KPNA5: variants seen among roughly 807,000 people sequenced by gnomAD.
The protein encoded by KPNA5 is importin subunit alpha-6.
KPNA5 carries 46 observed loss-of-function variants against 71.3 expected under a neutral mutation model. That is an observed-to-expected ratio of 0.65 (90% CI 0.51 to 0.83). The LOEUF (loss-of-function observed/expected upper bound fraction) is 0.83, where lower values mean the gene tolerates loss of function less well. Among genes scored for constraint, KPNA5 ranks in the 40% least tolerant of loss-of-function variants. The pLI, the probability that KPNA5 is intolerant of heterozygous loss-of-function variation, is 0.00. For missense variants in KPNA5, 547 were observed against 628.3 expected (o/e 0.87, Z 1.38); for synonymous variants, 207 against 201.4 (o/e 1.03, Z -0.24).
At chr6:116,731,446 T>G (rs1779477936) in intron 13 of KPNA5, among the ~76,000 whole-genome samples, 1 of 152,182 alleles carries the variant, frequency 6.6e-6, no homozygotes, top group African/African-American at 2.4e-5. Flanking sequence ...CTGCTTTTTT[T>G]TCTGTGATAA....
intron 8 of KPNA5, among the ~76,000 whole-genome samples, chr6:116,717,837 A>G (rs1048795347): frequency 5.3e-5 from 8 of 152,046 alleles, no homozygotes; most frequent in Non-Finnish European, 8.8e-5. Context: ...GTGTTTAGGA[A>G]GTTGTATACA....
At position 116,692,501 on chromosome 6, in the gene KPNA5, G is replaced by A. The variant is rs555415483; in HGVS notation, c.340+109G>A. On this transcript the variant is annotated intron_variant, in intron 4 of 13. Coordinates refer to ENST00000368564, the MANE Select transcript of KPNA5 (RefSeq NM_001366306.2). Reference sequence around the variant, plus strand: ...AAATACCTTTCTTTGCTAGACACAGGTGTTATATTCTCTGCAAAATATATT... The same window carrying A: ...AAATACCTTTCTTTGCTAGACACAGATGTTATATTCTCTGCAAAATATATT... The A allele has an allele frequency of 1.0e-5, 7 of 695,870 alleles. No individual in the cohort carries two copies. In the African/African-American group the frequency reaches 1.1e-4, roughly 11 times the overall value. 43.1% of individuals were successfully genotyped at this position (695,870 alleles called of 1,614,324 possible). A position where few individuals can be genotyped will look rare whatever the true frequency, so the allele number is the denominator to read the frequency against.
intron 12 of KPNA5, 52 bp downstream of exon 12, chr6:116,726,674 G>A: frequency 1.4e-6 from 2 of 1,387,180 alleles, no homozygotes; most frequent in South Asian, 3.1e-5. Context: ...GACAAAAGTT[G>A]AAATAAAACA....
At position 116,738,619 on chromosome 6, in the gene KPNA5, G is replaced by A. The variant is rs1485200946; in HGVS notation, c.*6296G>A. The A allele has an allele frequency of 1.2e-4, 18 of 151,832 alleles. No individual in the cohort carries two copies. The East Asian group carries it at 1.6e-3, about 13-fold the overall frequency. 9.4% of individuals were successfully genotyped at this position (151,832 alleles called of 1,614,324 possible). A position where few individuals can be genotyped will look rare whatever the true frequency, so the allele number is the denominator to read the frequency against. On this transcript the variant is annotated 3_prime_UTR_variant, in exon 14 of 14. Transcript: ENST00000368564. ...ATCCTCAATAAAATACTGGCAAACC[G>A]AATCCAGCAGCACATCAAAAAGCTT...
chr6:116,695,577 C>A (rs577140224), intron 4 of KPNA5, among the ~76,000 whole-genome samples: 1 of 152,210 alleles, frequency 6.6e-6, no homozygotes, highest in East Asian at 1.9e-4. Flanking sequence ...TGAAAGTAAT[C>A]TTGTGATCAG....
chr6:116,698,707 C>A lies in KPNA5; in HGVS notation c.344C>A (p.Pro115His). ...QKFRKLLSKE[P>H]NPPIDQVIQK... ...TGAAGTCTTTTTAAATTTTTAGAACCTAATCCACCAATAGATCAAGTTATA... is the reference window on the plus strand; with the variant it reads ...TGAAGTCTTTTTAAATTTTTAGAACATAATCCACCAATAGATCAAGTTATA... The change falls in exon 5 of 14, where the codon CCT (proline) becomes CAT (histidine). Residue 115 changes from proline (P) to histidine (H), a missense_variant. Coordinates refer to ENST00000368564, the MANE Select transcript of KPNA5 (RefSeq NM_001366306.2). 1 of 1,566,874 alleles carries A rather than the reference C, an allele frequency of 6.4e-7. No individual in the cohort carries two copies. Among genetic ancestry groups the A allele is most frequent in the South Asian group, 1.2e-5 (1 of 85,540 alleles).
chr6:116,694,550 G>A (rs1442056690), intron 4 of KPNA5, among the ~76,000 whole-genome samples: 1 of 152,070 alleles, frequency 6.6e-6, no homozygotes, highest in Non-Finnish European at 1.5e-5. Flanking sequence ...TCTGTTATTG[G>A]TGTATAAGAA....
intron 7 of KPNA5, among the ~76,000 whole-genome samples, chr6:116,709,739 T>C (rs937538739): frequency 6.6e-6 from 1 of 152,110 alleles, no homozygotes; most frequent in African/African-American, 2.4e-5. Flanking sequence ...ATAAATGCCC[T>C]TTATCCTGTT....
In KPNA5 at chr6:116,726,557, T is replaced by C; in HGVS notation, c.1188T>C (p.Arg396=). The C allele has an allele frequency of 6.2e-7, 1 of 1,612,560 alleles. No homozygotes were observed. The highest frequency in any genetic ancestry group is 8.5e-7 in the Non-Finnish European group (1 of 1,179,060). ...LIEILQKAEF[R]TRKEAAWAIT... ...AGATTCTTCAGAAAGCAGAGTTTCGTACCAGAAAAGAAGCAGCTTGGGCTA... is the reference window on the plus strand; with the variant it reads ...AGATTCTTCAGAAAGCAGAGTTTCGCACCAGAAAAGAAGCAGCTTGGGCTA... Residue 396 remains arginine, a synonymous_variant, in exon 12 of 14, where the codon CGT becomes CGC. Coordinates refer to ENST00000368564, the MANE Select transcript of KPNA5 (RefSeq NM_001366306.2).
intron 12 of KPNA5, among the ~76,000 whole-genome samples, chr6:116,728,666 CAG>C (rs1779365328): frequency 1.3e-5 from 2 of 151,556 alleles, no homozygotes; most frequent in African/African-American, 4.9e-5. Context: ...TTAAGAGGGA[CAG>C]AAACTTTTAT....
At chr6:116,693,262 G>T (rs1011384279) in intron 4 of KPNA5, among the ~76,000 whole-genome samples, 4 of 152,096 alleles carry the variant, frequency 2.6e-5, no homozygotes, top group Non-Finnish European at 5.9e-5. Context: ...GTAATAGGAT[G>T]GCTGGGTCAA....
chr6:116,703,962 C>T (rs936576407), intron 6 of KPNA5, among the ~76,000 whole-genome samples: 3 of 152,058 alleles, frequency 2.0e-5, no homozygotes, highest in African/African-American at 4.8e-5. Context: ...TTACACAAAC[C>T]TGGATGGTTT....
At chr6:116,710,045 CA>C (rs1436788852) in intron 7 of KPNA5, among the ~76,000 whole-genome samples, 1 of 152,218 alleles carries the variant, frequency 6.6e-6, no homozygotes, top group Admixed American at 6.5e-5. Context: ...AGGCATGAGT[CA>C]CTGTGCCTGA....
At chr6:116,726,118 T>C (rs1779279391) in intron 11 of KPNA5, among the ~76,000 whole-genome samples, 1 of 149,066 alleles carries the variant, frequency 6.7e-6, no homozygotes, top group Admixed American at 6.7e-5. Flanking sequence ...GGTTTGTCTT[T>C]AGAAAGATAT....
Position 116,708,958 on chromosome 6 carries a change from G to A in KPNA5, c.656+3798G>A, listed in dbSNP as rs147957100. 1.4e-3 allele frequency among the ~76,000 whole-genome samples: 212 copies of A among 152,026 alleles called. 2 individuals are homozygous for A. In the East Asian group the frequency reaches 0.028, roughly 20 times the overall value. On this transcript the variant is annotated intron_variant, in intron 7 of 13. Transcript: ENST00000368564. ...GTACAACCATACCTGGCTAATTTTT[G>A]TATTTTTAGTAGAGACGGAGTTTCA...
chr6:116,687,795 A>G (rs1355512353), intron 1 of KPNA5, among the ~76,000 whole-genome samples: 2 of 152,200 alleles, frequency 1.3e-5, no homozygotes, highest in Middle Eastern at 3.4e-3. Context: ...CTAGAATCCA[A>G]CTTGTCTTCT....
chr6:116,698,870 C>A (rs1583413765), intron 5 of KPNA5, 72 bp downstream of exon 5: 3 of 796,016 alleles, frequency 3.8e-6, no homozygotes, highest in Non-Finnish European at 5.9e-6. Flanking sequence ...AAAGCAACTT[C>A]TGCAGTATTG....
chr6:116,717,064 G>A (rs79856605), intron 8 of KPNA5, among the ~76,000 whole-genome samples: 65 of 152,066 alleles, frequency 4.3e-4, no homozygotes, highest in Non-Finnish European at 8.2e-4. Context: ...GCCTATTCAC[G>A]TTAACTCTTA....
chr6:116,707,943 G>A (rs761801779), intron 7 of KPNA5, among the ~76,000 whole-genome samples: 1 of 152,012 alleles, frequency 6.6e-6, no homozygotes, highest in Non-Finnish European at 1.5e-5. Context: ...CTTGTGCCTT[G>A]GAAACTACAA....
Sources: gnomAD v4.1 joint callset for allele counts (sites outside exome capture counted in the v4.1 genomes callset) on GRCh38, gnomAD v4.1.1 for gene constraint, MANE v1.5 for transcripts, NCBI Gene and HGNC (gene_info 2026-07-23, HGNC 2026-07-21) for gene names.